The following CCDC124 variants were observed in gnomAD, a reference collection of about 807,000 sequenced individuals.
CCDC124 encodes coiled-coil domain containing 124, also known as coiled-coil domain-containing protein 124.
Under a neutral mutation model 19.8 loss-of-function variants are expected in CCDC124, and 9 were observed. The observed-to-expected ratio is 0.45, with a 90% confidence interval of 0.27 to 0.79. The LOEUF is 0.79. CCDC124 is among the 30% of genes least tolerant of loss of function. The pLI is 0.14. For synonymous variants in CCDC124, 126 were observed against 131.3 expected, an observed-to-expected ratio of 0.96 and a Z score of 0.27; for missense variants, 285 against 319.0, an observed-to-expected ratio of 0.89 and a Z score of 0.81.
intron 1 of CCDC124, among the ~76,000 whole-genome samples, chr19:17,933,709 C>G (rs187100522): frequency 2.8e-4 from 43 of 152,340 alleles, no homozygotes. Flanking sequence ...CTCTCCCCCA[C>G]TCATTCAGAC....
chr19:17,941,437 G>A (rs1031184753), intron 2 of CCDC124, among the ~76,000 whole-genome samples: 4 of 151,644 alleles, frequency 2.6e-5, no homozygotes, highest in Non-Finnish European at 5.9e-5. Context: ...GCTTGAACTC[G>A]GGAGGCAGAG....
chr19:17,935,861 G>C (rs2031049546), intron 1 of CCDC124, among the ~76,000 whole-genome samples: 1 of 151,934 alleles, frequency 6.6e-6, no homozygotes, highest in Admixed American at 6.6e-5. Context: ...AGGATTACAG[G>C]CGTGAGCCAC....
intron 1 of CCDC124, among the ~76,000 whole-genome samples, chr19:17,934,440 T>C (rs2031015313): frequency 6.6e-6 from 1 of 151,514 alleles, no homozygotes; most frequent in African/African-American, 2.4e-5. Flanking sequence ...CTGTGGACAA[T>C]GGATAAACAA....
chr19:17,940,748 TAAA>T (rs753423113), intron 2 of CCDC124, among the ~76,000 whole-genome samples: 6 of 80,880 alleles, frequency 7.4e-5, no homozygotes, highest in Admixed American at 2.7e-4. Flanking sequence ...AGATTCCACC[TAAA>T]AAAAAAAAAA....
In CCDC124 at chr19:17,942,804, C is replaced by T. The variant is rs2031215431; in HGVS notation, c.308C>T (p.Thr103Met). 6.5e-7 allele frequency: 1 copy of T among 1,539,592 alleles called. No homozygotes were observed. The highest frequency in any genetic ancestry group is 2.4e-5 in the East Asian group (1 of 40,894). The change falls in exon 3 of 5, where the codon ACG (threonine) becomes ATG (methionine). Residue 103 changes from threonine (T) to methionine (M), a missense_variant. Coordinates refer to ENST00000445755, the MANE Select transcript of CCDC124 (RefSeq NM_001136203.2). The surrounding 1 kb of genome is among the most constrained non-coding windows in gnomAD (Gnocchi z 4.2). ...GTCACCCGGGCCCAGATCGAGGACA[C>T]GCTGCGCCGAGACCATCAGCTCAGG... ...SKVTRAQIED[T>M]LRRDHQLREA... is the part of the protein sequence containing the mutation.
chr19:17,936,046 G>A (rs1010812957), intron 1 of CCDC124, among the ~76,000 whole-genome samples: 2 of 152,060 alleles, frequency 1.3e-5, no homozygotes, highest in Admixed American at 6.6e-5. Flanking sequence ...CTGGGAATAC[G>A]GGTGCACACC....
At position 17,943,243 on chromosome 19, in the gene CCDC124, A is replaced by ATTCC; in HGVS notation, c.350-18_350-17insTTCC. 1 of 430,554 alleles carries ATTCC rather than the reference A, an allele frequency of 2.3e-6. No homozygotes were observed. The highest frequency in any genetic ancestry group is 4.5e-6 in the Non-Finnish European group (1 of 219,990). 26.7% of individuals were successfully genotyped at this position (430,554 alleles called of 1,614,324 possible). A position where few individuals can be genotyped will look rare whatever the true frequency, so the allele number is the denominator to read the frequency against. Reference sequence around the variant, plus strand: ...TTGCTTATCTCTCTCTGTCTCTGTCACCCACCCACCCGCCCAGCCGAGAAA... The same window carrying ATTCC: ...TTGCTTATCTCTCTCTGTCTCTGTCATTCCCCCACCCACCCGCCCAGCCGAGAAA... On this transcript the variant is annotated splice_polypyrimidine_tract_variant and intron_variant, in intron 3 of 4. Coordinates refer to ENST00000445755, the MANE Select transcript of CCDC124 (RefSeq NM_001136203.2).
At chr19:17,934,761 C>T (rs999707858) in intron 1 of CCDC124, among the ~76,000 whole-genome samples, 4 of 151,972 alleles carry the variant, frequency 2.6e-5, no homozygotes, top group East Asian at 1.9e-4. Flanking sequence ...CCAGCCTGGG[C>T]GACAGAGTGA....
intron 3 of CCDC124, 114 bp from the exon 4 acceptor site, chr19:17,943,147 C>A: frequency 1.1e-6 from 1 of 907,556 alleles, no homozygotes; most frequent in Non-Finnish European, 1.7e-6. Context: ...CCCCCCTCAT[C>A]TCTCCCGCCT....
In CCDC124 at chr19:17,942,981, C is replaced by T; in HGVS notation, c.349+136C>T. 9.2e-7 allele frequency: 1 copy of T among 1,089,124 alleles called. No individual in the cohort carries two copies. The highest frequency in any genetic ancestry group is 1.7e-5 in the South Asian group (1 of 60,380). 67.5% of individuals were successfully genotyped at this position (1,089,124 alleles called of 1,614,324 possible). On this transcript the variant is annotated intron_variant, in intron 3 of 4. Transcript: ENST00000445755. The surrounding 1 kb of genome is among the most constrained non-coding windows in gnomAD (Gnocchi z 4.2). ...GGTGCAGGGTGGGTGGGTAGGCCGC[C>T]TCCTGGTAGGCCTGGCCGTGAGCAG... is the stretch of plus-strand genomic sequence containing the variant.
At position 17,936,473 on chromosome 19, in the gene CCDC124, G is replaced by A. The variant is rs759811844; in HGVS notation, c.53G>A (p.Arg18His). 97 of 1,613,142 alleles carry A rather than the reference G, an allele frequency of 6.0e-5. No homozygotes were observed. In the Admixed American group the frequency reaches 1.5e-3, roughly 25 times the overall value. ...ENTKSAAARA[R>H]RAEAKAAADA... ...ACCAAGTCGGCAGCGGCCCGGGCAC[G>A]TAGGGCAGAGGCCAAGGCGGCCGCT... The change falls in exon 2 of 5, where the codon CGT becomes CAT. Residue 18 changes from arginine (R) to histidine (H), a missense_variant. Coordinates refer to ENST00000445755, the MANE Select transcript of CCDC124 (RefSeq NM_001136203.2).
At chr19:17,941,565 C>T (rs908649248) in intron 2 of CCDC124, among the ~76,000 whole-genome samples, 62 of 151,762 alleles carry the variant, frequency 4.1e-4, no homozygotes, top group African/African-American at 1.3e-3. Flanking sequence ...TGACACGCAT[C>T]GGTCGGGGAG....
intron 1 of CCDC124, among the ~76,000 whole-genome samples, chr19:17,933,602 C>T (rs889064144): frequency 6.6e-6 from 1 of 152,140 alleles, no homozygotes; most frequent in Admixed American, 6.6e-5. Context: ...ATAGATTGGG[C>T]TTCCCGGCTC....
chr19:17,943,251 ACCCG>A lies in CCDC124; in HGVS notation c.350-6_350-3del. 9.0e-6 allele frequency: 3 copies of A among 333,730 alleles called. No individual in the cohort carries two copies. The highest frequency in any genetic ancestry group is 1.7e-5 in the Non-Finnish European group (3 of 175,354). 20.7% of individuals were successfully genotyped at this position (333,730 alleles called of 1,614,324 possible). ...CTCTCTCTGTCTCTGTCACCCACCC[ACCCG>A]CCCAGCCGAGAAAGCCAAGAGCCAT... is the stretch of plus-strand genomic sequence containing the variant. On this transcript the variant is annotated splice_polypyrimidine_tract_variant and splice_region_variant and intron_variant, in intron 3 of 4. Coordinates refer to ENST00000445755, the MANE Select transcript of CCDC124 (RefSeq NM_001136203.2).
Position 17,942,870 on chromosome 19 carries a change from C to T in CCDC124, c.349+25C>T. On this transcript the variant is annotated intron_variant, in intron 3 of 4. Coordinates refer to ENST00000445755, the MANE Select transcript of CCDC124 (RefSeq NM_001136203.2). This position sits in a 1 kb window ranked among gnomAD's most constrained non-coding sequence, Gnocchi z 4.2. The stretch of plus-strand genomic sequence containing the variant: ...GGTCGGGCGGCATCCCGCTCTGGAG[C>T]TGCACTTTTGCCCACTGCAGAGGCA... 1 of 1,479,724 alleles carries T rather than the reference C, an allele frequency of 6.8e-7. No individual in the cohort carries two copies. Among genetic ancestry groups the T allele is most frequent in the Non-Finnish European group, 9.0e-7 (1 of 1,115,904 alleles). The allele number at this position is 1,479,724 out of a possible 1,614,324, so 91.7% of individuals were successfully genotyped here.
chr19:17,943,429 G>A, intron 4 of CCDC124, 54 bp downstream of exon 4: 1 of 1,547,634 alleles, frequency 6.5e-7, no homozygotes, highest in Non-Finnish European at 8.7e-7. Flanking sequence ...CATCGGGGGC[G>A]GGGCTACCTG....
Position 17,943,245 on chromosome 19 carries a change from C to CGG in CCDC124, c.350-16_350-15insGG. 2.2e-6 allele frequency: 1 copy of CGG among 446,188 alleles called. No homozygotes were observed. Among genetic ancestry groups the CGG allele is most frequent in the Non-Finnish European group, 4.4e-6 (1 of 225,298 alleles). The allele number at this position is 446,188 out of a possible 1,614,324, so 27.6% of individuals were successfully genotyped here. On this transcript the variant is annotated splice_polypyrimidine_tract_variant and intron_variant, in intron 3 of 4. Transcript: ENST00000445755. ...GCTTATCTCTCTCTGTCTCTGTCAC[C>CGG]CACCCACCCGCCCAGCCGAGAAAGC... is the stretch of plus-strand genomic sequence containing the variant.
chr19:17,943,242 C>CGGGGGGGGGGGG lies in CCDC124; in HGVS notation c.350-19_350-18insGGGGGGGGGGGG. 2.7e-6 allele frequency: 2 copies of CGGGGGGGGGGGG among 734,676 alleles called. No individual in the cohort carries two copies. Among genetic ancestry groups the CGGGGGGGGGGGG allele is most frequent in the Non-Finnish European group, 4.8e-6 (2 of 419,644 alleles). 45.5% of individuals were successfully genotyped at this position (734,676 alleles called of 1,614,324 possible). On this transcript the variant is annotated intron_variant, in intron 3 of 4. Transcript: ENST00000445755. ...TTTGCTTATCTCTCTCTGTCTCTGT[C>CGGGGGGGGGGGG]ACCCACCCACCCGCCCAGCCGAGAA...
intron 1 of CCDC124, 137 bp from the exon 2 acceptor site, chr19:17,936,273 T>G: frequency 1.4e-6 from 1 of 710,044 alleles, no homozygotes; most frequent in South Asian, 2.0e-5. Flanking sequence ...GAGCGCTAAG[T>G]CCAAAGCCCT....
Sources: allele counts gnomAD v4.1 joint callset (sites outside exome capture counted in the v4.1 genomes callset), GRCh38; gene constraint gnomAD v4.1.1; non-coding constraint Gnocchi (gnomAD v3.1); transcripts MANE v1.5; gene names NCBI Gene and HGNC (gene_info 2026-07-23, HGNC 2026-07-21).